Variants in IDE observed in about 807,000 individuals in gnomAD.
IDE encodes the protein insulin-degrading enzyme.
In IDE, 58 loss-of-function variants were observed where a neutral mutation model predicts 133.2. That is an observed-to-expected ratio of 0.44 (90% CI 0.35 to 0.54). The LOEUF is 0.54. Among genes scored for constraint, IDE ranks in the 20% least tolerant of loss-of-function variants. The pLI, the probability that IDE is intolerant of heterozygous loss-of-function variation, is 0.00. For missense variants in IDE, 981 were observed against 1,234.0 expected (o/e 0.79, Z 3.07); for synonymous variants, 396 against 421.3 (o/e 0.94, Z 0.73).
At chr10:92,461,757 C>T (rs577135865) in intron 21 of IDE, among the ~76,000 whole-genome samples, 19 of 152,112 alleles carry the variant, frequency 1.2e-4, no homozygotes, top group African/African-American at 4.3e-4. Context: ...CTCTGCCTCC[C>T]GGGTTCATGC....
intron 1 of IDE, among the ~76,000 whole-genome samples, chr10:92,559,500 A>G (rs949614473): frequency 3.3e-5 from 5 of 152,226 alleles, no homozygotes; most frequent in Admixed American, 1.3e-4. Flanking sequence ...ACATTATGTT[A>G]AGTGAAAGCC....
At chr10:92,523,210 G>C (rs551234885) in intron 4 of IDE, among the ~76,000 whole-genome samples, 2 of 151,724 alleles carry the variant, frequency 1.3e-5, no homozygotes, top group African/African-American at 4.8e-5. Flanking sequence ...GTGAAACCCT[G>C]TCTCTACTAA....
intron 17 of IDE, among the ~76,000 whole-genome samples, chr10:92,471,666 A>G (rs1845973159): frequency 6.6e-6 from 1 of 151,982 alleles, no homozygotes; most frequent in African/African-American, 2.4e-5. Context: ...TCACCACCAG[A>G]CTGGAGCTCC....
chr10:92,467,969 G>A (rs1845780635), intron 19 of IDE, among the ~76,000 whole-genome samples: 1 of 152,234 alleles, frequency 6.6e-6, no homozygotes, highest in South Asian at 2.1e-4. Context: ...CTAACAAGAA[G>A]ATGGAGATGC....
chr10:92,492,419 C>T (rs1226179401), intron 11 of IDE, among the ~76,000 whole-genome samples: 3 of 152,184 alleles, frequency 2.0e-5, no homozygotes, highest in Non-Finnish European at 4.4e-5. Context: ...CAGGGACACT[C>T]CGCCTCTACT....
At chr10:92,467,159 C>T (rs1307634972) in intron 19 of IDE, among the ~76,000 whole-genome samples, 2 of 152,140 alleles carry the variant, frequency 1.3e-5, no homozygotes, top group Non-Finnish European at 2.9e-5. Flanking sequence ...ATTGCAGCCT[C>T]AACCTCCTGG....
chr10:92,516,760 A>G (rs1479866836), intron 4 of IDE, among the ~76,000 whole-genome samples: 1 of 152,240 alleles, frequency 6.6e-6, no homozygotes, highest in Admixed American at 6.5e-5. Context: ...GATGTGATCT[A>G]GACTGGTTAA....
intron 13 of IDE, among the ~76,000 whole-genome samples, chr10:92,485,864 C>T (rs867740374): frequency 4.6e-5 from 7 of 151,980 alleles, no homozygotes; most frequent in African/African-American, 1.7e-4. Flanking sequence ...ATGGTTTGAA[C>T]CCAGGAGTTT....
At chr10:92,556,238 C>T (rs1843004391) in intron 1 of IDE, among the ~76,000 whole-genome samples, 1 of 147,650 alleles carries the variant, frequency 6.8e-6, no homozygotes, top group Non-Finnish European at 1.5e-5. Context: ...TTGCAGAAGA[C>T]ATGATCTTGA....
intron 22 of IDE, 76 bp from the exon 23 acceptor site, chr10:92,456,507 G>T: frequency 1.0e-6 from 1 of 985,286 alleles, no homozygotes; most frequent in Non-Finnish European, 1.6e-6. Flanking sequence ...TGAAGACTAT[G>T]AAGAATCAGC....
intron 4 of IDE, among the ~76,000 whole-genome samples, chr10:92,531,226 C>G (rs181451741): frequency 6.6e-6 from 1 of 152,150 alleles, no homozygotes; most frequent in Non-Finnish European, 1.5e-5. Context: ...AGAGTCTCCA[C>G]GTTTATCTTA....
intron 4 of IDE, among the ~76,000 whole-genome samples, chr10:92,530,208 A>G (rs1178646532): frequency 6.6e-6 from 1 of 151,718 alleles, no homozygotes; most frequent in Non-Finnish European, 1.5e-5. Flanking sequence ...CCTGGGTGAT[A>G]AGAGCCAGAC....
Position 92,574,024 on chromosome 10 carries a change from C to T in IDE, c.-5G>A, listed in dbSNP as rs1843934393. The T allele has an allele frequency of 6.6e-7, 1 of 1,510,292 alleles. No homozygotes were observed. Among genetic ancestry groups the T allele is most frequent in the Non-Finnish European group, 8.8e-7 (1 of 1,131,690 alleles). The allele number at this position is 1,510,292 out of a possible 1,614,324, so 93.6% of individuals were successfully genotyped here. Reference sequence around the variant, plus strand: ...CCACGCTAGCCGGTACCGCATTAGCCAGCGCAGTCGCCGGGATCACCGCAA... The same window carrying T: ...CCACGCTAGCCGGTACCGCATTAGCTAGCGCAGTCGCCGGGATCACCGCAA... On this transcript the variant is annotated 5_prime_UTR_variant, in exon 1 of 25. Coordinates refer to ENST00000265986, the MANE Select transcript of IDE (RefSeq NM_004969.4).
chr10:92,482,482 T>C lies in IDE; in HGVS notation c.1739+773A>G, dbSNP rs556090006. On this transcript the variant is annotated intron_variant, in intron 14 of 24. Transcript: ENST00000265986. ...AGCCAGAAATAGAGGAAGCAGTATC[T>C]AAGGGTTCCAGACAAAGGACAAAAC... 7.2e-5 allele frequency among the ~76,000 whole-genome samples: 11 copies of C among 152,322 alleles called. No homozygotes were observed. In the South Asian group the frequency reaches 2.3e-3, roughly 32 times the overall value.
At chr10:92,568,769 T>C (rs535712038) in intron 1 of IDE, among the ~76,000 whole-genome samples, 2 of 151,996 alleles carry the variant, frequency 1.3e-5, no homozygotes, top group Non-Finnish European at 2.9e-5. Context: ...TGAGCCGAGA[T>C]TGCGCCACTG....
intron 2 of IDE, among the ~76,000 whole-genome samples, chr10:92,535,908 C>T (rs1000989816): frequency 9.2e-5 from 14 of 151,934 alleles, no homozygotes; most frequent in South Asian, 6.2e-4. Flanking sequence ...TGGTGGCGGG[C>T]GCCTATAATC....
At chr10:92,571,066 G>C (rs992977208) in intron 1 of IDE, among the ~76,000 whole-genome samples, 9 of 151,518 alleles carry the variant, frequency 5.9e-5, no homozygotes, top group African/African-American at 1.7e-4. Flanking sequence ...CTGCACCTCC[G>C]CCTCCTGGGT....
At chr10:92,527,018 T>C (rs977508224) in intron 4 of IDE, among the ~76,000 whole-genome samples, 4 of 152,128 alleles carry the variant, frequency 2.6e-5, no homozygotes, top group Non-Finnish European at 5.9e-5. Context: ...ATTTTAAATT[T>C]CAATGAGGTC....
At chr10:92,464,184 T>C (rs1441033663) in intron 20 of IDE, among the ~76,000 whole-genome samples, 181 bp from the exon 21 acceptor site, 1 of 152,172 alleles carries the variant, frequency 6.6e-6, no homozygotes, top group African/African-American at 2.4e-5. Context: ...GCAGAAGAGC[T>C]CTCTGAAGAA....
Sources: allele counts gnomAD v4.1 joint callset (sites outside exome capture counted in the v4.1 genomes callset), GRCh38; gene constraint gnomAD v4.1.1; transcripts MANE v1.5; gene names NCBI Gene and HGNC (gene_info 2026-07-23, HGNC 2026-07-21).